CNGB1: variants seen among roughly 807,000 people sequenced by gnomAD.
CNGB1 encodes the protein cyclic nucleotide-gated channel beta-1.
A neutral mutation model predicts 151.7 loss-of-function variants in CNGB1; 126 were observed. The ratio of observed to expected loss-of-function variants is 0.83; its 90% confidence interval spans 0.72 to 0.96. The LOEUF (loss-of-function observed/expected upper bound fraction) is 0.96, where lower values mean the gene tolerates loss of function less well. Among genes scored for constraint, CNGB1 ranks in the 40% least tolerant of loss-of-function variants. The pLI, the probability that CNGB1 is intolerant of heterozygous loss-of-function variation, is 0.00. For missense variants in CNGB1, 1,698 were observed against 1,627.0 expected, an observed-to-expected ratio of 1.04 and a Z score of -0.75; for synonymous variants, 623 against 635.1, an observed-to-expected ratio of 0.98 and a Z score of 0.29.
chr16:57,947,862 C>T (rs1402675241), intron 14 of CNGB1, among the ~76,000 whole-genome samples: 1 of 152,214 alleles, frequency 6.6e-6, no homozygotes, highest in African/African-American at 2.4e-5. Context: ...TCTGCAGGAG[C>T]CTTTTATTAT....
chr16:57,904,717 G>A lies in CNGB1; in HGVS notation c.2634+17C>T. On this transcript the variant is annotated intron_variant, in intron 26 of 32. Coordinates refer to ENST00000251102, the MANE Select transcript of CNGB1 (RefSeq NM_001297.5). Reference sequence around the variant, plus strand: ...TGCAGTCAGGTGGGGTGGGAAGCTGGGCTGGTGCCCCGATACCTGTCCGAT... The same window carrying A: ...TGCAGTCAGGTGGGGTGGGAAGCTGAGCTGGTGCCCCGATACCTGTCCGAT... 1 of 1,613,876 alleles carries A rather than the reference G, an allele frequency of 6.2e-7. No homozygotes were observed. Among genetic ancestry groups the A allele is most frequent in the Non-Finnish European group, 8.5e-7 (1 of 1,180,012 alleles).
chr16:57,921,125 C>CT (rs112809722), intron 18 of CNGB1, among the ~76,000 whole-genome samples: 22,632 of 142,500 alleles, frequency 0.16, 1,943 homozygotes, highest in Middle Eastern at 0.33. Flanking sequence ...TCTTTTTTAT[C>CT]TTTTTTTTTT....
In CNGB1 at chr16:57,929,791, G is replaced by A. The variant is rs568536099; in HGVS notation, c.1535+1925C>T. ...GATCCATTCACCTCCCACCAGGTCC[G>A]TCCCTTGACACATGGGGATTAAAAT... On this transcript the variant is annotated intron_variant, in intron 17 of 32. Coordinates refer to ENST00000251102, the MANE Select transcript of CNGB1 (RefSeq NM_001297.5). Among the ~76,000 whole-genome samples, 121 of 152,318 alleles carry A rather than the reference G, an allele frequency of 7.9e-4. 1 individual carries two copies. Among genetic ancestry groups the A allele is most frequent in the Middle Eastern group, 3.4e-3 (1 of 294 alleles).
intron 16 of CNGB1, among the ~76,000 whole-genome samples, chr16:57,934,023 G>T (rs142818964): frequency 6.6e-6 from 1 of 151,562 alleles, no homozygotes; most frequent in Non-Finnish European, 1.5e-5. Context: ...GCACCCAGCC[G>T]ATATGGGGTT....
At position 57,949,808 on chromosome 16, in the gene CNGB1, G is replaced by A. The variant is rs184190349; in HGVS notation, c.1035-369C>T. Among the ~76,000 whole-genome samples the A allele has an allele frequency of 2.2e-4, 34 of 152,256 alleles. No individual in the cohort carries two copies. The East Asian group carries it at 6.2e-3, about 28-fold the overall frequency. ...AGATTGCGACATCCCTGTGGAAGGC[G>A]ACTTGGCAATCATGACCACAATTCC... is the stretch of plus-strand genomic sequence containing the variant. On this transcript the variant is annotated intron_variant, in intron 13 of 32. Coordinates refer to ENST00000251102, the MANE Select transcript of CNGB1 (RefSeq NM_001297.5).
At chr16:57,901,757 G>T in intron 27 of CNGB1, 132 bp from the exon 28 acceptor site, 1 of 738,872 alleles carries the variant, frequency 1.4e-6, no homozygotes, top group South Asian at 1.5e-5. Context: ...CTCTGGATTT[G>T]TAGTGCACCC....
intron 31 of CNGB1, 103 bp from the exon 32 acceptor site, chr16:57,888,177 A>AT: frequency 2.4e-6 from 3 of 1,266,388 alleles, no homozygotes; most frequent in East Asian, 4.9e-5. Context: ...AGTGGTGGTG[A>AT]TTTTGGCTGG....
chr16:57,940,350 A>G (rs1163820860), intron 14 of CNGB1, 29 bp from the exon 15 acceptor site: 1 of 1,555,756 alleles, frequency 6.4e-7, no homozygotes, highest in African/African-American at 1.4e-5. Context: ...TGGGGAGGAT[A>G]AAAGGACTGG....
intron 27 of CNGB1, among the ~76,000 whole-genome samples, 159 bp from the exon 28 acceptor site, chr16:57,901,784 A>G (rs1359656269): frequency 6.6e-6 from 1 of 152,196 alleles, no homozygotes; most frequent in African/African-American, 2.4e-5. Context: ...ACCTCCAGGC[A>G]TTTGCCAATA....
At chr16:57,955,574 A>C (rs993845587) in intron 12 of CNGB1, among the ~76,000 whole-genome samples, 2 of 152,158 alleles carry the variant, frequency 1.3e-5, no homozygotes, top group Non-Finnish European at 2.9e-5. Flanking sequence ...ATTACTTGTG[A>C]ATGTGACCTT....
chr16:57,897,318 A>AT, intron 31 of CNGB1, 79 bp downstream of exon 31: 96 of 1,336,686 alleles, frequency 7.2e-5, no homozygotes, highest in African/African-American at 1.0e-4. Flanking sequence ...AAAAAAAAAA[A>AT]GATAAAGGTA....
chr16:57,917,346 G>A lies in CNGB1; in HGVS notation c.2088C>T (p.Tyr696=), dbSNP rs1210263161. The change falls in exon 21 of 33, where the codon TAC becomes TAT. Residue 696 remains tyrosine, a synonymous_variant. Coordinates refer to ENST00000251102, the MANE Select transcript of CNGB1 (RefSeq NM_001297.5). The stretch of plus-strand genomic sequence containing the variant: ...CCAGGAAGTAGATGAGGTCGCATAG[G>A]TAATCCATCAGCAGCCAGTGGTGGA... ...DNIHHWLLMD[Y]LCDLIYFLDI... is the part of the protein sequence containing the mutation. The A allele has an allele frequency of 6.2e-7, 1 of 1,614,122 alleles. No individual in the cohort carries two copies. The highest frequency in any genetic ancestry group is 8.5e-7 in the Non-Finnish European group (1 of 1,180,036).
intron 27 of CNGB1, among the ~76,000 whole-genome samples, chr16:57,903,440 C>A (rs1960444390): frequency 6.6e-6 from 1 of 151,974 alleles, no homozygotes; most frequent in South Asian, 2.1e-4. Context: ...TGCAGTGAGC[C>A]AAGATTGCTC....
Position 57,903,838 on chromosome 16 carries a change from G to A in CNGB1, c.2778C>T (p.His926=), listed in dbSNP as rs749321305. The A allele has an allele frequency of 9.3e-6, 15 of 1,614,056 alleles. No individual in the cohort carries two copies. The highest frequency in any genetic ancestry group is 6.7e-5 in the African/African-American group (5 of 74,942). ...CCATCTTACCCAGCATGCCTTGCGA[G>A]TGCCAGGTGTACTCGTACCAGGTCT... ...RVKTWYEYTW[H]SQGMLDESEL... The change falls in exon 27 of 33, where the codon CAC becomes CAT. Residue 926 remains histidine (H), a synonymous_variant. Coordinates refer to ENST00000251102, the MANE Select transcript of CNGB1 (RefSeq NM_001297.5).
Position 57,917,460 on chromosome 16 carries a change from T to A in CNGB1, c.1974A>T (p.Leu658=). 1 of 1,614,036 alleles carries A rather than the reference T, an allele frequency of 6.2e-7. No individual in the cohort carries two copies. The highest frequency in any genetic ancestry group is 1.3e-5 in the African/African-American group (1 of 75,010). The change falls in exon 21 of 33, where the codon CTA becomes CTT. Residue 658 remains leucine, a synonymous_variant. Transcript: ENST00000251102. Reference sequence around the variant, plus strand: ...AGGCCATCACCACGAAGAACAGCCATAGGACATACATCAGGTCTGTGGGGA... The same window carrying A: ...AGGCCATCACCACGAAGAACAGCCAAAGGACATACATCAGGTCTGTGGGGA... The part of the protein sequence containing the change: ...IDPLTNLMYV[L]WLFFVVMAWN...
At chr16:57,952,894 G>T (rs1370868971) in intron 12 of CNGB1, among the ~76,000 whole-genome samples, 2 of 152,166 alleles carry the variant, frequency 1.3e-5, no homozygotes, top group Non-Finnish European at 2.9e-5. Context: ...CTGAGAGGAG[G>T]ACGGTGCCCA....
At chr16:57,935,622 C>T (rs1365328476) in intron 16 of CNGB1, among the ~76,000 whole-genome samples, 1 of 151,616 alleles carries the variant, frequency 6.6e-6, no homozygotes, top group Non-Finnish European at 1.5e-5. Context: ...CACTCCAGCC[C>T]GAGCAACAGA....
rs1176342760 is a variant in CNGB1, at chr16:57,912,974, A to G, written c.2325T>C (p.Phe775=). The change falls in exon 24 of 33, where the codon TTT becomes TTC. Residue 775 remains phenylalanine (F), a synonymous_variant. Transcript: ENST00000251102. ...TGAGGATGGATTCCAGGCGGCTGTT[A>G]AACTCGAAGAAGGCCATGTACTGGA... The part of the protein sequence containing the change: ...RCLKYMAFFE[F]NSRLESILSK... 6.2e-7 allele frequency: 1 copy of G among 1,613,886 alleles called. No homozygotes were observed. The highest frequency in any genetic ancestry group is 8.5e-7 in the Non-Finnish European group (1 of 1,179,918).
intron 24 of CNGB1, among the ~76,000 whole-genome samples, chr16:57,912,236 G>A (rs1178956219): frequency 6.6e-6 from 1 of 152,190 alleles, no homozygotes; most frequent in African/African-American, 2.4e-5. Context: ...GGCCTGGCTG[G>A]TCTTGCACCT....
Sources: gnomAD v4.1 joint callset for allele counts (sites outside exome capture counted in the v4.1 genomes callset) on GRCh38, gnomAD v4.1.1 for gene constraint, MANE v1.5 for transcripts, NCBI Gene and HGNC (gene_info 2026-07-23, HGNC 2026-07-21) for gene names.